Variants in ECE1 observed in about 807,000 individuals in gnomAD.
ECE1 encodes endothelin converting enzyme 1, also known as endothelin-converting enzyme 1.
ECE1 carries 35 observed loss-of-function variants against 98.6 expected under a neutral mutation model. The observed-to-expected ratio is 0.35, with a 90% CI of 0.27 to 0.47. The LOEUF (loss-of-function observed/expected upper bound fraction) is 0.47. Among genes scored for constraint, ECE1 ranks in the 20% least tolerant of loss-of-function variants. The probability of loss-of-function intolerance (pLI) is 1.00; values close to 1 mark genes in which losing one functional copy is unlikely to be tolerated. For synonymous variants in ECE1, 394 were observed against 407.1 expected (o/e 0.97, Z 0.39); for missense variants, 814 against 1,025.3 (o/e 0.79, Z 2.81).
chr1:21,230,932 G>A (rs6666542), intron 14 of ECE1, among the ~76,000 whole-genome samples: 1 of 151,930 alleles, frequency 6.6e-6, no homozygotes, highest in Admixed American at 6.6e-5. Context: ...GGGTTCAAGC[G>A]ATTCTCCTGC....
Position 21,225,838 on chromosome 1 carries a change from A to G in ECE1, c.1850-398T>C, listed in dbSNP as rs2098173525. Among the ~76,000 whole-genome samples the G allele has an allele frequency of 6.6e-6, 1 of 151,156 alleles. No homozygotes were observed. Among genetic ancestry groups the G allele is most frequent in the Non-Finnish European group, 1.5e-5 (1 of 67,786 alleles). ...CTGGAGTAGCTGGGATTACAGGCAC[A>G]TGCCGCCATGCCTAGCTGATTTCTG... On this transcript the variant is annotated intron_variant, in intron 16 of 18. Transcript: ENST00000374893. The surrounding 1 kb of genome is among the most constrained non-coding windows in gnomAD (Gnocchi z 5.3).
At chr1:21,343,978 C>T (rs1009226064) in intron 1 of ECE1, among the ~76,000 whole-genome samples, 1 of 152,054 alleles carries the variant, frequency 6.6e-6, no homozygotes, top group Non-Finnish European at 1.5e-5. Flanking sequence ...CTCCCTGTGT[C>T]GGAAACGGTC....
rs1056684302 is a variant in ECE1 at position 21,340,414 on chromosome 1, T to C, written c.3+4962A>G. Reference sequence around the variant, plus strand: ...GATGGTGCCTGCAGCACCACCTTTCTCCCAGGGCCACTTCAGGTGCCTCCT... The same window carrying C: ...GATGGTGCCTGCAGCACCACCTTTCCCCCAGGGCCACTTCAGGTGCCTCCT... On this transcript the variant is annotated intron_variant, in intron 1 of 18. Transcript: ENST00000415912. This position sits in a 1 kb window ranked among gnomAD's most constrained non-coding sequence, Gnocchi z 4.6. Among the ~76,000 whole-genome samples the C allele has an allele frequency of 2.6e-5, 4 of 152,246 alleles. No individual in the cohort carries two copies. The highest frequency in any genetic ancestry group is 4.4e-5 in the Non-Finnish European group (3 of 68,030).
chr1:21,218,400 TG>T lies in ECE1; in HGVS notation c.*1554del. 6.6e-6 allele frequency: 1 copy of T among 152,542 alleles called. No individual in the cohort carries two copies. Among genetic ancestry groups the T allele is most frequent in the Non-Finnish European group, 1.5e-5 (1 of 68,246 alleles). 9.4% of individuals were successfully genotyped at this position (152,542 alleles called of 1,614,324 possible). On this transcript the variant is annotated 3_prime_UTR_variant, in exon 19 of 19. Transcript: ENST00000374893. The surrounding 1 kb of genome is among the most constrained non-coding windows in gnomAD (Gnocchi z 4.0). The stretch of plus-strand genomic sequence containing the variant: ...TGGCCTGTGCTTCAGTCAGGACACC[TG>T]GGGGCTGCACTGCGGAGGCCAAGGG...
At position 21,225,315 on chromosome 1, in the gene ECE1, C is replaced by T. The variant is rs1409726222; in HGVS notation, c.1975G>A (p.Val659Met). ...YSNYSVNGEP[V>M]NGRHTLGENI... The stretch of plus-strand genomic sequence containing the variant: ...TCCCCCAGGGTGTGCCGCCCGTTCA[C>T]CGGCTCCCCGTTCACGCTGTAGTTG... The change falls in exon 17 of 19, where the codon GTG becomes ATG. Residue 659 changes from valine (V) to methionine (M), a missense_variant. By Grantham distance (21) the Val-to-Met change is conservative. This residue lies in a region of ECE1 where 452 missense variants were observed against 567.3 expected (regional missense o/e 0.80). Coordinates refer to ENST00000374893, the MANE Select transcript of ECE1 (RefSeq NM_001397.3). The surrounding 1 kb of genome is among the most constrained non-coding windows in gnomAD (Gnocchi z 5.3). 3 of 1,614,260 alleles carry T rather than the reference C, an allele frequency of 1.9e-6. No homozygotes were observed. The highest frequency in any genetic ancestry group is 3.3e-5 in the Admixed American group (2 of 60,036).
intron 10 of ECE1, among the ~76,000 whole-genome samples, chr1:21,239,327 A>G (rs1343242245): frequency 6.6e-6 from 1 of 152,182 alleles, no homozygotes; most frequent in Admixed American, 6.5e-5. Context: ...GACAGTATAT[A>G]TGACCACGTG....
intron 1 of ECE1, among the ~76,000 whole-genome samples, chr1:21,321,119 G>A (rs954585640): frequency 3.9e-5 from 6 of 152,194 alleles, no homozygotes; most frequent in Non-Finnish European, 4.4e-5. Flanking sequence ...CCAAGAGGTG[G>A]TGTCACTTGC....
chr1:21,315,892 A>G (rs1050680010), intron 1 of ECE1, among the ~76,000 whole-genome samples: 4 of 151,974 alleles, frequency 2.6e-5, no homozygotes, highest in African/African-American at 7.3e-5. Flanking sequence ...CAGCGTCAGG[A>G]AAGAGTGCTG....
At chr1:21,293,205 G>A (rs1445273543), upstream of ECE1, 1 of 152,054 alleles carries the variant, frequency 6.6e-6, no homozygotes, top group Non-Finnish European at 1.5e-5. Context: ...AAGTTAACTC[G>A]CCCAGGTGTG....
chr1:21,253,254 A>G lies in ECE1; in HGVS notation c.1020+2693T>C, dbSNP rs1004816225. On this transcript the variant is annotated intron_variant, in intron 8 of 18. Transcript: ENST00000374893. Reference sequence around the variant, plus strand: ...GTATTTTTAGTAGAGACGGGGTTTTACCATATTGGTCAGGCTGGTCTTGAA... The same window carrying G: ...GTATTTTTAGTAGAGACGGGGTTTTGCCATATTGGTCAGGCTGGTCTTGAA... Among the ~76,000 whole-genome samples, 8 of 151,756 alleles carry G rather than the reference A, an allele frequency of 5.3e-5. No individual in the cohort carries two copies. The East Asian group carries it at 1.6e-3, about 30-fold the overall frequency.
rs1558408363 is a variant in ECE1 at position 21,278,223 on chromosome 1, C to CTTG, written c.280+967_280+968insCAA. Among the ~76,000 whole-genome samples the CTTG allele has an allele frequency of 2.0e-5, 3 of 152,214 alleles. No homozygotes were observed. In the South Asian group the frequency reaches 6.2e-4, roughly 31 times the overall value. On this transcript the variant is annotated intron_variant, in intron 3 of 18. Transcript: ENST00000374893. ...AGAGGCCCTGGCTTTGGCTAATTCC[C>CTTG]CATTCTTATTTCTAACTTGGATCCA... is the stretch of plus-strand genomic sequence containing the variant.
rs2098223239 is a variant in ECE1, at chr1:21,258,824, T to C, written c.631A>G (p.Ile211Val). ...ELIERLGGWN[I>V]TGPWAKDNFQ... is the part of the protein sequence containing the mutation. ...TTGTCCTTGGCCCAGGGACCTGTGA[T>C]GTTCCAGCCCCCGAGCTGTGGGGAG... The change falls in exon 6 of 19, where the codon ATC (isoleucine) becomes GTC (valine). Residue 211 changes from isoleucine (I) to valine (V), a missense_variant. Physicochemically the swap from Ile to Val is conservative, Grantham distance 29 (BLOSUM62 3). This residue lies in a region of ECE1 where 105 missense variants were observed against 179.1 expected (regional missense o/e 0.59). Transcript: ENST00000374893. This position sits in a 1 kb window ranked among gnomAD's most constrained non-coding sequence, Gnocchi z 4.2. The C allele has an allele frequency of 1.2e-6, 2 of 1,614,124 alleles. No homozygotes were observed. Among genetic ancestry groups the C allele is most frequent in the Non-Finnish European group, 1.7e-6 (2 of 1,180,030 alleles).
At chr1:21,268,327 A>C (rs2098236447) in intron 4 of ECE1, among the ~76,000 whole-genome samples, 1 of 152,230 alleles carries the variant, frequency 6.6e-6, no homozygotes, top group African/African-American at 2.4e-5. Context: ...TCATCTCCCC[A>C]AAACCTACAA....
intron 9 of ECE1, among the ~76,000 whole-genome samples, chr1:21,246,053 C>T (rs1305933773): frequency 6.6e-6 from 1 of 151,908 alleles, no homozygotes; most frequent in Non-Finnish European, 1.5e-5. Context: ...TTGCCTGAGA[C>T]CAGGAGTTTG....
At chr1:21,315,631 T>G (rs1040382932) in intron 1 of ECE1, among the ~76,000 whole-genome samples, 8 of 151,828 alleles carry the variant, frequency 5.3e-5, no homozygotes, top group African/African-American at 1.9e-4. Flanking sequence ...CCATCTCTAC[T>G]AAAAATACAA....
At chr1:21,309,524 C>T (rs930288280) in intron 1 of ECE1, among the ~76,000 whole-genome samples, 11 of 152,180 alleles carry the variant, frequency 7.2e-5, no homozygotes, top group African/African-American at 2.7e-4. Flanking sequence ...GTCAATGCGT[C>T]GGAGCTCTGC....
At position 21,260,293 on chromosome 1, in the gene ECE1, G is replaced by A. The variant is rs1184779846; in HGVS notation, c.593C>T (p.Pro198Leu). 1 of 1,614,260 alleles carries A rather than the reference G, an allele frequency of 6.2e-7. No homozygotes were observed. Among genetic ancestry groups the A allele is most frequent in the South Asian group, 1.1e-5 (1 of 91,088 alleles). ...CACCCTCTCAATCAACTCCATTAGA[G>A]GTTTGGCCCTGAGCTCCTCGATCCT... ...ETRIEELRAK[P>L]LMELIERLGG... is the part of the protein sequence containing the mutation. The change falls in exon 5 of 19, where the codon CCT (proline) becomes CTT (leucine). Residue 198 changes from proline to leucine, a missense_variant. This residue lies in a region of ECE1 where 257 missense variants were observed against 278.9 expected (regional missense o/e 0.92). Transcript: ENST00000374893. This position sits in a 1 kb window ranked among gnomAD's most constrained non-coding sequence, Gnocchi z 4.3.
intron 1 of ECE1, among the ~76,000 whole-genome samples, chr1:21,323,652 TAAA>T (rs1639011279): frequency 8.7e-6 from 1 of 114,862 alleles, no homozygotes; most frequent in African/African-American, 3.6e-5. Flanking sequence ...TAAAATAAAA[TAAA>T]ATAAAATAAA....
At chr1:21,239,041 C>A (rs572451475) in intron 10 of ECE1, among the ~76,000 whole-genome samples, 6 of 151,792 alleles carry the variant, frequency 4.0e-5, no homozygotes, top group African/African-American at 1.5e-4. Context: ...CTATGTTGCC[C>A]AGGCTGGTCT....
Sources: gnomAD v4.1 joint callset for allele counts (sites outside exome capture counted in the v4.1 genomes callset) on GRCh38, gnomAD v4.1.1 for gene constraint, gnomAD v4.1.1 regional missense constraint, Gnocchi (gnomAD v3.1) non-coding constraint, MANE v1.5 for transcripts, NCBI Gene and HGNC (gene_info 2026-07-23, HGNC 2026-07-21) for gene names.